RANBP2: variants seen among roughly 807,000 people sequenced by gnomAD.
RANBP2 encodes the protein E3 SUMO-protein ligase RanBP2.
Under a neutral mutation model 303.6 loss-of-function variants are expected in RANBP2, and 57 were observed. That is an observed-to-expected ratio of 0.19 (90% CI 0.15 to 0.23). RANBP2 has a LOEUF of 0.23. RANBP2 is among the 10% of genes least tolerant of loss of function. RANBP2 has a pLI of 1.00. For missense variants in RANBP2, 3,138 were observed against 3,780.8 expected (o/e 0.83, Z 4.46); for synonymous variants, 1,167 against 1,301.5 (o/e 0.90, Z 2.23).
At chr2:109,077,493 G>A in the RANBP2 span, among the ~76,000 whole-genome samples, 2 of 149,646 alleles carry the variant, frequency 1.3e-5, 1 homozygote, top group Non-Finnish European at 3.0e-5. Context: ...TTCTGCACAG[G>A]AAAGGAATGA....
chr2:109,567,901 T>A, the RANBP2 span: 1 of 1,613,828 alleles, frequency 6.2e-7, no homozygotes, highest in Non-Finnish European at 8.5e-7. Context: ...AATTCACTCA[T>A]GAGCTTGATC....
At chr2:109,041,697 T>A in the RANBP2 span, among the ~76,000 whole-genome samples, 68 of 145,096 alleles carry the variant, frequency 4.7e-4, no homozygotes, top group East Asian at 0.013. Context: ...TTTTTTTTTT[T>A]TTTTTTTTTT....
At chr2:109,021,170 A>AT in the RANBP2 span, among the ~76,000 whole-genome samples, 1 of 152,230 alleles carries the variant, frequency 6.6e-6, no homozygotes, top group Admixed American at 6.5e-5. Flanking sequence ...GCTGTGGCAC[A>AT]TTGGTTAGTG....
chr2:108,807,721 G>A, the RANBP2 span, among the ~76,000 whole-genome samples: 2 of 152,184 alleles, frequency 1.3e-5, no homozygotes, highest in South Asian at 2.1e-4. Flanking sequence ...GGACTCAAGC[G>A]ATTCTCCTGC....
At chr2:108,941,303 C>G in the RANBP2 span, among the ~76,000 whole-genome samples, 3 of 152,174 alleles carry the variant, frequency 2.0e-5, no homozygotes, top group Non-Finnish European at 4.4e-5. Context: ...CTGGGCAGTC[C>G]TGACCTTGCT....
At chr2:109,217,556 G>A in the RANBP2 span, among the ~76,000 whole-genome samples, 4 of 152,106 alleles carry the variant, frequency 2.6e-5, no homozygotes, top group Non-Finnish European at 4.4e-5. Context: ...TTGAGCTTCC[G>A]GCAGATTTTT....
chr2:109,092,985 C>T, the RANBP2 span, among the ~76,000 whole-genome samples: 1 of 152,134 alleles, frequency 6.6e-6, no homozygotes, highest in Non-Finnish European at 1.5e-5. Context: ...ATCCCTGAAA[C>T]CAATACCAGA....
chr2:109,750,742 G>A, the RANBP2 span, among the ~76,000 whole-genome samples: 1 of 85,020 alleles, frequency 1.2e-5, no homozygotes, highest in Non-Finnish European at 2.4e-5. Context: ...TTTTTTTTTC[G>A]AGTCAGAGTC....
At chr2:108,828,526 G>A in the RANBP2 span, among the ~76,000 whole-genome samples, 1 of 152,174 alleles carries the variant, frequency 6.6e-6, no homozygotes, top group East Asian at 1.9e-4. Context: ...GGATAGAATG[G>A]AGAGCCCAAT....
chr2:109,564,281 A>AC, the RANBP2 span: 1 of 1,228,962 alleles, frequency 8.1e-7, no homozygotes, highest in African/African-American at 1.5e-5. Flanking sequence ...TCTAAAGAAC[A>AC]CATGCCCCAT....
chr2:108,895,350 A>G, the RANBP2 span: 1 of 152,646 alleles, frequency 6.6e-6, no homozygotes, highest in East Asian at 1.9e-4. Context: ...TAATGTAGTA[A>G]TAAACACAGA....
At chr2:109,540,946 C>A in the RANBP2 span, among the ~76,000 whole-genome samples, 3 of 152,106 alleles carry the variant, frequency 2.0e-5, no homozygotes, top group Non-Finnish European at 4.4e-5. Flanking sequence ...TTTAAGGAAA[C>A]TTATCTAAAA....
the RANBP2 span, among the ~76,000 whole-genome samples, chr2:108,940,954 ACC>A: frequency 6.6e-6 from 1 of 151,920 alleles, no homozygotes; most frequent in Non-Finnish European, 1.5e-5. Context: ...ACGTATATAC[ACC>A]CCCTGTGGCT....
chr2:108,936,358 C>T, the RANBP2 span, among the ~76,000 whole-genome samples: 2 of 152,248 alleles, frequency 1.3e-5, no homozygotes, highest in Non-Finnish European at 2.9e-5. Context: ...GACCGCATCA[C>T]GGACAGGGAG....
chr2:109,498,024 A>C, the RANBP2 span, among the ~76,000 whole-genome samples: 38,646 of 151,850 alleles, frequency 0.25, 5,217 homozygotes, highest in East Asian at 0.5. Flanking sequence ...GTTTGTGTGT[A>C]TGCTGTCTGA....
At chr2:109,486,265 C>G in the RANBP2 span, among the ~76,000 whole-genome samples, 34 of 152,286 alleles carry the variant, frequency 2.2e-4, no homozygotes, top group African/African-American at 7.9e-4. Context: ...TCATTTCAGA[C>G]CCACAGAAGC....
chr2:108,722,060 TAAAA>T (rs945739734), intron 1 of RANBP2, among the ~76,000 whole-genome samples: 3 of 135,910 alleles, frequency 2.2e-5, no homozygotes, highest in Non-Finnish European at 3.2e-5. Flanking sequence ...TAAACAAGCT[TAAAA>T]AAAAAAAAAA....
chr2:109,721,819 C>T, the RANBP2 span, among the ~76,000 whole-genome samples: 7 of 152,336 alleles, frequency 4.6e-5, no homozygotes, highest in East Asian at 3.9e-4. Flanking sequence ...GGCCCTACAA[C>T]GAGGGGTCTC....
downstream of RANBP2, chr2:108,786,792 C>T (rs370372367): frequency 1.3e-4 from 196 of 1,560,756 alleles, 1 homozygote; most frequent in Non-Finnish European, 1.7e-4. Flanking sequence ...GAACGCGGTT[C>T]CCGGGGAGAC....
Sources: allele counts gnomAD v4.1 joint callset (sites outside exome capture counted in the v4.1 genomes callset), GRCh38; gene constraint gnomAD v4.1.1; transcripts MANE v1.5; gene names NCBI Gene and HGNC (gene_info 2026-07-23, HGNC 2026-07-21).